Variants in CSMD3 observed in about 807,000 individuals in gnomAD.
CSMD3 encodes CUB and sushi domain-containing protein 3.
CSMD3 carries 177 observed loss-of-function variants against 435.2 expected under a neutral mutation model. The ratio of observed to expected loss-of-function variants is 0.41; its 90% CI spans 0.36 to 0.46. The LOEUF (loss-of-function observed/expected upper bound fraction) is 0.46, where lower values mean the gene tolerates loss of function less well. Among genes scored for constraint, CSMD3 ranks in the 20% least tolerant of loss-of-function variants. CSMD3 has a pLI of 0.34. For missense variants in CSMD3, 4,265 were observed against 4,504.6 expected (o/e 0.95, Z 1.52); for synonymous variants, 1,656 against 1,520.5 (o/e 1.09, Z -2.07).
chr8:112,789,813 A>C (rs892087663), intron 13 of CSMD3, among the ~76,000 whole-genome samples: 1 of 151,982 alleles, frequency 6.6e-6, no homozygotes, highest in Non-Finnish European at 1.5e-5. Flanking sequence ...ATATTTGTAA[A>C]ATAAAAAAGA....
intron 1 of CSMD3, among the ~76,000 whole-genome samples, chr8:113,417,385 C>T (rs543378276): frequency 1.3e-5 from 2 of 151,588 alleles, no homozygotes; most frequent in South Asian, 4.2e-4. Flanking sequence ...ACAATAGAGA[C>T]AAAGGAGAAA....
intron 10 of CSMD3, among the ~76,000 whole-genome samples, chr8:112,915,417 T>C (rs908106130): frequency 6.6e-6 from 1 of 151,846 alleles, no homozygotes; most frequent in African/African-American, 2.4e-5. Context: ...TTGTTTTCTT[T>C]TGTATTTTTC....
intron 4 of CSMD3, among the ~76,000 whole-genome samples, chr8:113,139,465 G>A (rs983591945): frequency 1.1e-4 from 17 of 150,678 alleles, no homozygotes; most frequent in African/African-American, 3.2e-4. Flanking sequence ...TAAAATGACG[G>A]CACCATTTTA....
intron 36 of CSMD3, among the ~76,000 whole-genome samples, chr8:112,389,658 A>G (rs1427647852): frequency 6.6e-6 from 1 of 152,230 alleles, no homozygotes; most frequent in Admixed American, 6.5e-5. Flanking sequence ...ATCTAATTTC[A>G]TTATTAATGC....
At chr8:112,420,232 T>C (rs1812330357) in intron 32 of CSMD3, among the ~76,000 whole-genome samples, 1 of 152,156 alleles carries the variant, frequency 6.6e-6, no homozygotes, top group African/African-American at 2.4e-5. Context: ...TCAACACTTA[T>C]CAACATTATG....
intron 4 of CSMD3, among the ~76,000 whole-genome samples, 199 bp downstream of exon 4, chr8:113,173,523 T>C (rs2092301723): frequency 1.3e-5 from 2 of 152,028 alleles, no homozygotes; most frequent in African/African-American, 2.4e-5. Context: ...GGCTTCACTA[T>C]ATTGGCCAGG....
intron 4 of CSMD3, among the ~76,000 whole-genome samples, chr8:113,135,730 C>T (rs1235447974): frequency 6.6e-6 from 1 of 151,454 alleles, no homozygotes; most frequent in Non-Finnish European, 1.5e-5. Flanking sequence ...TAGAAGAATC[C>T]AATTACTTGG....
At chr8:112,410,628 G>GTATATA (rs373147062) in intron 32 of CSMD3, among the ~76,000 whole-genome samples, 1 of 69,950 alleles carries the variant, frequency 1.4e-5, no homozygotes, top group Admixed American at 1.8e-4. Context: ...ATATATATGT[G>GTATATA]TATATATATG....
intron 5 of CSMD3, among the ~76,000 whole-genome samples, chr8:113,043,971 G>A (rs2087726877): frequency 6.6e-6 from 1 of 151,946 alleles, no homozygotes; most frequent in Non-Finnish European, 1.5e-5. Flanking sequence ...TAAAAGATAA[G>A]TAGAATCCTA....
At chr8:112,549,957 T>C (rs1200203361) in intron 27 of CSMD3, among the ~76,000 whole-genome samples, 1 of 152,040 alleles carries the variant, frequency 6.6e-6, no homozygotes, top group Non-Finnish European at 1.5e-5. Context: ...AAAAAATCTA[T>C]TAGATAATTT....
intron 14 of CSMD3, among the ~76,000 whole-genome samples, chr8:112,686,089 A>G: frequency 6.6e-6 from 1 of 152,216 alleles, no homozygotes; most frequent in East Asian, 1.9e-4. Context: ...TCTTGAAATG[A>G]TTGAAGACAA....
chr8:113,106,061 T>A lies in CSMD3; in HGVS notation c.710-7098A>T, dbSNP rs566717262. Among the ~76,000 whole-genome samples, 27 of 152,202 alleles carry A rather than the reference T, an allele frequency of 1.8e-4. No individual in the cohort carries two copies. In the East Asian group the frequency reaches 5.0e-3, roughly 28 times the overall value. On this transcript the variant is annotated intron_variant, in intron 4 of 70. Transcript: ENST00000297405. ...AGGGTTAGCACACTATACCCCAGAC[T>A]AAATCTGGCTTATAGACTTTTTTTT...
At chr8:113,085,868 G>A (rs1191256379) in intron 5 of CSMD3, among the ~76,000 whole-genome samples, 2 of 152,092 alleles carry the variant, frequency 1.3e-5, no homozygotes, top group African/African-American at 4.8e-5. Flanking sequence ...GAACAATAGA[G>A]GATGAATATA....
At chr8:113,027,595 A>G (rs1009551063) in intron 5 of CSMD3, among the ~76,000 whole-genome samples, 1 of 152,168 alleles carries the variant, frequency 6.6e-6, no homozygotes, top group Non-Finnish European at 1.5e-5. Flanking sequence ...TGGTTTAAAA[A>G]ATAGCATTAC....
intron 3 of CSMD3, among the ~76,000 whole-genome samples, chr8:113,257,034 G>A (rs1349753747): frequency 1.3e-5 from 2 of 152,126 alleles, no homozygotes; most frequent in African/African-American, 4.8e-5. Context: ...TACAGAATGA[G>A]ACCTTAGTTT....
intron 5 of CSMD3, among the ~76,000 whole-genome samples, chr8:113,028,481 G>A (rs58449647): frequency 6.6e-6 from 1 of 151,440 alleles, no homozygotes; most frequent in Non-Finnish European, 1.5e-5. Context: ...ACCTGAGTGA[G>A]AAAAGCATGT....
intron 41 of CSMD3, among the ~76,000 whole-genome samples, chr8:112,345,225 A>G (rs966157845): frequency 1.8e-4 from 28 of 152,144 alleles, no homozygotes; most frequent in Non-Finnish European, 3.1e-4. Context: ...TGTGCCAACA[A>G]TCCTACCACT....
At chr8:112,227,685 T>A (rs1812698112) in intron 70 of CSMD3, among the ~76,000 whole-genome samples, 1 of 152,176 alleles carries the variant, frequency 6.6e-6, no homozygotes. Context: ...TAGCTGGTAA[T>A]TCACACTCAG....
In CSMD3 at chr8:113,325,275, A is replaced by C. The variant is rs576649789; in HGVS notation, c.179-10482T>G. On this transcript the variant is annotated intron_variant, in intron 1 of 70. Transcript: ENST00000297405. ...AAAAATATGATTTGGCTGTGTCCCC[A>C]CCCAAATCTCATCTTGAATTCCCAC... 1.0e-3 allele frequency among the ~76,000 whole-genome samples: 154 copies of C among 152,266 alleles called. 2 individuals are homozygous for C. Among genetic ancestry groups the C allele is most frequent in the African/African-American group, 3.5e-3 (145 of 41,548 alleles).
Sources: allele counts gnomAD v4.1 joint callset (sites outside exome capture counted in the v4.1 genomes callset), GRCh38; gene constraint gnomAD v4.1.1; transcripts MANE v1.5; gene names NCBI Gene and HGNC (gene_info 2026-07-23, HGNC 2026-07-21).